LAMC1: variants seen among roughly 807,000 people sequenced by gnomAD.
The protein encoded by LAMC1 is laminin subunit gamma 1.
In LAMC1, 38 loss-of-function variants were observed where a neutral mutation model predicts 173.6. The observed-to-expected ratio is 0.22, with a 90% CI of 0.17 to 0.29. LAMC1 has a LOEUF of 0.29. Ranked by LOEUF, LAMC1 falls within the 10% of genes least tolerant of loss-of-function variation. The pLI, the probability that LAMC1 is intolerant of heterozygous loss-of-function variation, is 1.00. For synonymous variants in LAMC1, 746 were observed against 749.1 expected (o/e 1.00, Z 0.07); for missense variants, 1,824 against 2,051.8 (o/e 0.89, Z 2.14).
intron 1 of LAMC1, among the ~76,000 whole-genome samples, chr1:183,056,097 G>T (rs1487687806): frequency 6.6e-6 from 1 of 152,242 alleles, no homozygotes; most frequent in East Asian, 1.9e-4. Context: ...GCTGCCCAGT[G>T]CTGCTGAAAG....
At chr1:183,057,570 G>T (rs1288825933) in intron 1 of LAMC1, among the ~76,000 whole-genome samples, 1 of 152,216 alleles carries the variant, frequency 6.6e-6, no homozygotes, top group Non-Finnish European at 1.5e-5. Context: ...AGACCAGGTT[G>T]GCCAGCATGG....
At chr1:183,080,646 T>TG (rs983897855) in intron 1 of LAMC1, among the ~76,000 whole-genome samples, 3 of 152,016 alleles carry the variant, frequency 2.0e-5, no homozygotes, top group African/African-American at 7.3e-5. Context: ...TGTTTCTTCC[T>TG]GTTTTTTTTT....
intron 1 of LAMC1, among the ~76,000 whole-genome samples, chr1:183,062,632 G>A (rs529715992): frequency 3.9e-5 from 6 of 152,004 alleles, no homozygotes; most frequent in South Asian, 4.2e-4. Context: ...GTGACAGAGC[G>A]AGACTCTGTC....
In LAMC1 at chr1:183,117,530, C is replaced by G; in HGVS notation, c.1688-4C>G. 1 of 1,613,518 alleles carries G rather than the reference C, an allele frequency of 6.2e-7. No homozygotes were observed. Among genetic ancestry groups the G allele is most frequent in the South Asian group, 1.1e-5 (1 of 91,012 alleles). On this transcript the variant is annotated splice_region_variant and splice_polypyrimidine_tract_variant and intron_variant, in intron 9 of 27. Coordinates refer to ENST00000258341, the MANE Select transcript of LAMC1 (RefSeq NM_002293.4). ...TCTTGCCCACCATTGTGTCTGTATT[C>G]CAGCAAAGTTCTTGGGCAAGCAGGT... is the stretch of plus-strand genomic sequence containing the variant.
At chr1:183,094,939 C>CA (rs1553255936) in intron 1 of LAMC1, among the ~76,000 whole-genome samples, 1 of 151,796 alleles carries the variant, frequency 6.6e-6, no homozygotes, top group African/African-American at 2.4e-5. Context: ...CTCTGCCTCC[C>CA]GATTCAAGTG....
chr1:183,080,502 T>C (rs1655243572), intron 1 of LAMC1, among the ~76,000 whole-genome samples: 1 of 152,116 alleles, frequency 6.6e-6, no homozygotes, highest in Non-Finnish European at 1.5e-5. Flanking sequence ...TCAGCCCCAC[T>C]TTTGTCACCT....
rs143437610 is a variant in LAMC1, at chr1:183,056,020, A to G, written c.418+31886A>G. 4.9e-3 allele frequency among the ~76,000 whole-genome samples: 746 copies of G among 152,300 alleles called. 8 individuals are homozygous for G. Among genetic ancestry groups the G allele is most frequent in the African/African-American group, 0.016 (655 of 41,576 alleles). On this transcript the variant is annotated intron_variant, in intron 1 of 27. Coordinates refer to ENST00000258341, the MANE Select transcript of LAMC1 (RefSeq NM_002293.4). ...GGAATAAGAATCAAGTGGCATTTTT[A>G]TATTTTTATATTTCAGTCCTCTTTC...
chr1:183,031,494 G>A (rs993092151), intron 1 of LAMC1, among the ~76,000 whole-genome samples: 1 of 152,048 alleles, frequency 6.6e-6, no homozygotes, highest in Non-Finnish European at 1.5e-5. Context: ...AGTAGAGACA[G>A]GGTTTTACCA....
chr1:183,087,032 G>A (rs1655446749), intron 1 of LAMC1, among the ~76,000 whole-genome samples: 1 of 152,052 alleles, frequency 6.6e-6, no homozygotes, highest in Non-Finnish European at 1.5e-5. Context: ...AGAAAATTGA[G>A]GTATGGCTGC....
At chr1:183,116,135 A>AG (rs1656314523) in intron 6 of LAMC1, among the ~76,000 whole-genome samples, 1 of 151,260 alleles carries the variant, frequency 6.6e-6, no homozygotes, top group African/African-American at 2.4e-5. Flanking sequence ...GTCTCAAAAA[A>AG]AAAAAAAATG....
intron 2 of LAMC1, 107 bp from the exon 3 acceptor site, chr1:183,108,169 C>A: frequency 9.8e-7 from 1 of 1,017,916 alleles, no homozygotes; most frequent in Non-Finnish European, 1.5e-6. Flanking sequence ...CTAAAGAGGG[C>A]GTAAGTTAAA....
chr1:183,068,563 CA>C (rs1169497808), intron 1 of LAMC1, among the ~76,000 whole-genome samples: 1 of 152,200 alleles, frequency 6.6e-6, no homozygotes, highest in Non-Finnish European at 1.5e-5. Context: ...AAGTAGATAT[CA>C]AATTATTGCA....
At position 183,135,087 on chromosome 1, in the gene LAMC1, G is replaced by A. The variant is rs143854490; in HGVS notation, c.4045G>A (p.Ala1349Thr). 25 of 1,614,062 alleles carry A rather than the reference G, an allele frequency of 1.5e-5. 1 individual carries two copies. The highest frequency in any genetic ancestry group is 9.9e-5 in the South Asian group (9 of 91,076). Reference sequence around the variant, plus strand: ...CCGAGCTGATGCTGCCAAGGCCCTCGCTGAAGAAGCTGCAAAGAAGGGACG... The same window carrying A: ...CCGAGCTGATGCTGCCAAGGCCCTCACTGAAGAAGCTGCAAAGAAGGGACG... ...LARADAAKAL[A>T]EEAAKKGRDT... is the part of the protein sequence containing the mutation. Residue 1349 changes from alanine (A) to threonine (T), a missense_variant, in exon 24 of 28, where the codon GCT becomes ACT. Coordinates refer to ENST00000258341, the MANE Select transcript of LAMC1 (RefSeq NM_002293.4).
At chr1:183,105,224 CAAAAAAAAAA>C (rs35512159) in intron 2 of LAMC1, among the ~76,000 whole-genome samples, 2 of 42,852 alleles carry the variant, frequency 4.7e-5, no homozygotes, top group African/African-American at 1.8e-4. Flanking sequence ...GACTCCATCT[CAAAAAAAAAA>C]AAAAAAAAAA....
intron 4 of LAMC1, 110 bp downstream of exon 4, chr1:183,110,764 C>G: frequency 8.6e-7 from 1 of 1,156,414 alleles, no homozygotes; most frequent in Non-Finnish European, 1.2e-6. Flanking sequence ...CTCTGAAAGG[C>G]CAGCTTTTTG....
rs562732440 is a variant in LAMC1 at position 183,099,323 on chromosome 1, C to T, written c.419-4005C>T. 2.0e-5 allele frequency among the ~76,000 whole-genome samples: 3 copies of T among 152,262 alleles called. No homozygotes were observed. In the South Asian group the frequency reaches 6.2e-4, roughly 32 times the overall value. ...CAGGCTAGTCTCGAACTCCTGACCT[C>T]AAGTGATCTGCCTGCCTCGGCCTCC... is the stretch of plus-strand genomic sequence containing the variant. On this transcript the variant is annotated intron_variant, in intron 1 of 27. Transcript: ENST00000258341.
chr1:183,091,586 A>G (rs1655568189), intron 1 of LAMC1, among the ~76,000 whole-genome samples: 1 of 152,160 alleles, frequency 6.6e-6, no homozygotes, highest in Admixed American at 6.5e-5. Flanking sequence ...TTTTTTAAAT[A>G]CCTAAAATTT....
At chr1:183,083,046 T>G (rs1344628996) in intron 1 of LAMC1, among the ~76,000 whole-genome samples, 1 of 152,222 alleles carries the variant, frequency 6.6e-6, no homozygotes, top group Non-Finnish European at 1.5e-5. Context: ...TGGCCTTAAC[T>G]GTGACTTGTT....
chr1:183,074,986 A>G (rs559587096), intron 1 of LAMC1, among the ~76,000 whole-genome samples: 1 of 152,312 alleles, frequency 6.6e-6, no homozygotes, highest in East Asian at 1.9e-4. Context: ...AAAGAATTAT[A>G]CTGAAACAAG....
Sources: allele counts gnomAD v4.1 joint callset (sites outside exome capture counted in the v4.1 genomes callset), GRCh38; gene constraint gnomAD v4.1.1; transcripts MANE v1.5; gene names NCBI Gene and HGNC (gene_info 2026-07-23, HGNC 2026-07-21).